Variants in NRXN1 observed in about 807,000 individuals in gnomAD.
NRXN1 encodes the protein neurexin-1.
Under a neutral mutation model 150.9 loss-of-function variants are expected in NRXN1, and 39 were observed. The observed-to-expected ratio is 0.26, with a 90% CI of 0.20 to 0.34. The LOEUF (loss-of-function observed/expected upper bound fraction) is 0.34, where lower values mean the gene tolerates loss of function less well. Among genes scored for constraint, NRXN1 ranks in the 10% least tolerant of loss-of-function variants. The pLI is 1.00. For synonymous variants in NRXN1, 924 were observed against 757.0 expected (o/e 1.22, Z -3.62); for missense variants, 1,815 against 1,949.9 (o/e 0.93, Z 1.30).
chr2:50,181,358 T>G (rs1026735192), intron 18 of NRXN1, among the ~76,000 whole-genome samples: 8 of 152,110 alleles, frequency 5.3e-5, no homozygotes, highest in African/African-American at 1.4e-4. Context: ...CCCCTTCTCC[T>G]TGCTGTTGTA....
intron 18 of NRXN1, among the ~76,000 whole-genome samples, chr2:50,133,941 A>G (rs907382572): frequency 1.3e-5 from 2 of 152,226 alleles, no homozygotes; most frequent in African/African-American, 4.8e-5. Flanking sequence ...AAAGTTAATT[A>G]GGAACAGGTA....
At chr2:50,794,698 A>T (rs980327470) in intron 5 of NRXN1, among the ~76,000 whole-genome samples, 8 of 152,166 alleles carry the variant, frequency 5.3e-5, no homozygotes, top group Non-Finnish European at 7.4e-5. Context: ...AGTGTATTTA[A>T]AGTATGCATA....
At chr2:50,974,404 T>G (rs1318683137) in intron 2 of NRXN1, among the ~76,000 whole-genome samples, 1 of 152,118 alleles carries the variant, frequency 6.6e-6, no homozygotes, top group East Asian at 1.9e-4. Context: ...CAGCAGGATA[T>G]GAAGAAAAGA....
At chr2:50,904,192 C>T (rs1558395258) in intron 5 of NRXN1, among the ~76,000 whole-genome samples, 1 of 152,062 alleles carries the variant, frequency 6.6e-6, no homozygotes, top group Non-Finnish European at 1.5e-5. Context: ...TGTTCCATAA[C>T]AGCAATTTGA....
At chr2:51,030,505 A>G (rs1671328472) in intron 1 of NRXN1, among the ~76,000 whole-genome samples, 1 of 150,706 alleles carries the variant, frequency 6.6e-6, no homozygotes, top group African/African-American at 2.5e-5. Flanking sequence ...TTCCTCCCAG[A>G]TGAAATTGAT....
At chr2:50,737,539 A>G (rs1367153196) in intron 5 of NRXN1, among the ~76,000 whole-genome samples, 1 of 152,206 alleles carries the variant, frequency 6.6e-6, no homozygotes, top group African/African-American at 2.4e-5. Context: ...GGTTGTAGTC[A>G]TTTCAAAGTC....
rs557502701 is a variant in NRXN1, at chr2:50,235,903, T to G, written c.3546+886A>C. Among the ~76,000 whole-genome samples, 7 of 152,180 alleles carry G rather than the reference T, an allele frequency of 4.6e-5. No homozygotes were observed. In the South Asian group the frequency reaches 1.2e-3, roughly 27 times the overall value. ...GATAATAAGAACCCTTTAGAAAAGT[T>G]TTTGAATATGTGACACACTACGATT... is the stretch of plus-strand genomic sequence containing the variant. On this transcript the variant is annotated intron_variant, in intron 18 of 22. Transcript: ENST00000401669.
intron 2 of NRXN1, among the ~76,000 whole-genome samples, chr2:51,015,027 C>T (rs1379696098): frequency 6.6e-6 from 1 of 151,924 alleles, no homozygotes; most frequent in African/African-American, 2.4e-5. Flanking sequence ...TCCTATTTCC[C>T]TTTTTGGCTT....
chr2:50,368,780 GA>G (rs765596486), intron 17 of NRXN1, among the ~76,000 whole-genome samples: 6 of 151,936 alleles, frequency 3.9e-5, no homozygotes, highest in Non-Finnish European at 5.9e-5. Context: ...GGTTAATAAG[GA>G]AGCACATATT....
At chr2:50,426,359 T>C (rs1302468849) in intron 17 of NRXN1, among the ~76,000 whole-genome samples, 1 of 152,206 alleles carries the variant, frequency 6.6e-6, no homozygotes, top group Non-Finnish European at 1.5e-5. Flanking sequence ...AAAACAATTC[T>C]TATCCTAGTA....
intron 17 of NRXN1, among the ~76,000 whole-genome samples, chr2:50,456,124 C>T (rs550232165): frequency 3.2e-4 from 48 of 152,280 alleles, no homozygotes; most frequent in South Asian, 1.7e-3. Flanking sequence ...CACACCTACG[C>T]GAACAGTTTC....
At chr2:50,648,043 A>C (rs1178355286) in intron 5 of NRXN1, among the ~76,000 whole-genome samples, 1 of 151,938 alleles carries the variant, frequency 6.6e-6, no homozygotes, top group Non-Finnish European at 1.5e-5. Flanking sequence ...GAATATTTTT[A>C]TGACCAAGAA....
At chr2:50,731,739 G>A (rs972935599) in intron 5 of NRXN1, among the ~76,000 whole-genome samples, 9 of 152,288 alleles carry the variant, frequency 5.9e-5, no homozygotes, top group African/African-American at 2.2e-4. Flanking sequence ...AACAAAATTA[G>A]AGAATTTTTC....
At position 50,027,438 on chromosome 2, in the gene NRXN1, C is replaced by T. The variant is rs77136461; in HGVS notation, c.4128+25833G>A. On this transcript the variant is annotated intron_variant, in intron 21 of 22. Transcript: ENST00000401669. ...CCTCTCTCCCTTCCTCCGTTCTTTC[C>T]TTTGCTCCTTCTCTCCTTTTTTGAG... is the stretch of plus-strand genomic sequence containing the variant. 1.0e-3 allele frequency among the ~76,000 whole-genome samples: 148 copies of T among 141,484 alleles called. 2 individuals carry two copies. Among genetic ancestry groups the T allele is most frequent in the African/African-American group, 3.7e-3 (145 of 38,694 alleles). The allele number at this position is 141,484 out of a possible 152,430, so 92.8% of individuals were successfully genotyped here.
intron 8 of NRXN1, among the ~76,000 whole-genome samples, chr2:50,614,493 G>A (rs1678712630): frequency 6.6e-6 from 1 of 151,856 alleles, no homozygotes; most frequent in Admixed American, 6.6e-5. Context: ...AGCAAAAAAG[G>A]GGAGGAGCGG....
At chr2:50,613,449 G>A (rs1678516464) in intron 8 of NRXN1, among the ~76,000 whole-genome samples, 1 of 152,166 alleles carries the variant, frequency 6.6e-6, no homozygotes, top group Admixed American at 6.5e-5. Flanking sequence ...ATGACATACT[G>A]TATAGTGCAT....
chr2:50,133,649 A>G (rs936319445), intron 18 of NRXN1, among the ~76,000 whole-genome samples: 8 of 152,228 alleles, frequency 5.3e-5, no homozygotes, highest in African/African-American at 1.7e-4. Context: ...ACAAGGGAGA[A>G]GAAAAACTTC....
chr2:50,434,302 T>TCGATCTC, intron 17 of NRXN1, among the ~76,000 whole-genome samples: 2 of 152,066 alleles, frequency 1.3e-5, no homozygotes, highest in East Asian at 3.9e-4. Flanking sequence ...CAGGATGGTC[T>TCGATCTC]CGATCTCCTG....
chr2:50,873,583 T>C (rs1678117679), intron 5 of NRXN1, among the ~76,000 whole-genome samples: 1 of 151,870 alleles, frequency 6.6e-6, no homozygotes, highest in Admixed American at 6.6e-5. Flanking sequence ...GGGTGGTTTA[T>C]GCTCTGAATT....
Sources: allele counts gnomAD v4.1 joint callset (sites outside exome capture counted in the v4.1 genomes callset), GRCh38; gene constraint gnomAD v4.1.1; transcripts MANE v1.5; gene names NCBI Gene and HGNC (gene_info 2026-07-23, HGNC 2026-07-21).